The following NCAM1 variants were observed in gnomAD, a reference collection of about 807,000 sequenced individuals.
The protein encoded by NCAM1 is antigen recognized by monoclonal antibody 5.1H11.
A neutral mutation model predicts 109.8 loss-of-function variants in NCAM1; 14 were observed. The ratio of observed to expected loss-of-function variants is 0.13; its 90% CI spans 0.08 to 0.20. NCAM1 has a LOEUF of 0.20. NCAM1 is among the 10% of genes least tolerant of loss of function. The probability of loss-of-function intolerance (pLI) is 1.00; values close to 1 mark genes in which losing one functional copy is unlikely to be tolerated. For missense variants in NCAM1, 774 were observed against 1,109.9 expected, an observed-to-expected ratio of 0.70 and a Z score of 4.30; for synonymous variants, 418 against 442.9, an observed-to-expected ratio of 0.94 and a Z score of 0.70.
intron 17 of NCAM1, chr11:113,269,396 C>A (rs1290960791): frequency 6.6e-6 from 1 of 152,432 alleles, no homozygotes; most frequent in Non-Finnish European, 1.5e-5. Flanking sequence ...ATTTATCCTG[C>A]GTGTGAGTGT....
chr11:113,214,138 G>T (rs1944461622), intron 7 of NCAM1, among the ~76,000 whole-genome samples: 1 of 152,158 alleles, frequency 6.6e-6, no homozygotes, highest in Admixed American at 6.5e-5. Flanking sequence ...TGCATTCCTT[G>T]CCCTTATCAC....
intron 1 of NCAM1, among the ~76,000 whole-genome samples, chr11:113,118,838 A>C (rs1006808496): frequency 6.6e-6 from 1 of 152,096 alleles, no homozygotes; most frequent in African/African-American, 2.4e-5. Context: ...AAACACAAGG[A>C]AAGAAAAGAC....
chr11:112,969,915 G>A (rs1950830503), intron 1 of NCAM1, among the ~76,000 whole-genome samples: 1 of 152,110 alleles, frequency 6.6e-6, no homozygotes, highest in African/African-American at 2.4e-5. Context: ...AATGAAGCAG[G>A]CAGGTAAAAA....
In NCAM1 at chr11:113,023,843, C is replaced by G. The variant is rs1419798756; in HGVS notation, c.52+62179C>G. ...GAAAAGGACTCTAGCATTCAATAAA[C>G]AGTACATTTCTCCCTCATTGGGGGT... On this transcript the variant is annotated intron_variant, in intron 1 of 19. Transcript: ENST00000316851. Among the ~76,000 whole-genome samples, 3 of 151,826 alleles carry G rather than the reference C, an allele frequency of 2.0e-5. No homozygotes were observed. The East Asian group carries it at 5.8e-4, about 29-fold the overall frequency.
chr11:113,223,882 G>A (rs11606354), intron 9 of NCAM1, among the ~76,000 whole-genome samples: 7,448 of 152,260 alleles, frequency 0.049, 297 homozygotes, highest in South Asian at 0.16. Flanking sequence ...CCATGCTCTT[G>A]AGGCCACTAG....
chr11:113,173,740 C>A (rs1671239038), intron 1 of NCAM1, among the ~76,000 whole-genome samples: 1 of 151,408 alleles, frequency 6.6e-6, no homozygotes, highest in Non-Finnish European at 1.5e-5. Flanking sequence ...GCTTAACCTG[C>A]AGAGCTTCAA....
chr11:112,964,576 T>C (rs1399666201), intron 1 of NCAM1, among the ~76,000 whole-genome samples: 2 of 152,208 alleles, frequency 1.3e-5, no homozygotes, highest in Non-Finnish European at 2.9e-5. Context: ...AAGTAGTATA[T>C]ATAATATCTC....
At chr11:113,048,560 C>G (rs532911579) in intron 1 of NCAM1, among the ~76,000 whole-genome samples, 1 of 152,186 alleles carries the variant, frequency 6.6e-6, no homozygotes, top group Non-Finnish European at 1.5e-5. Flanking sequence ...ATCCATCTTG[C>G]GAGGCCTACA....
intron 1 of NCAM1, among the ~76,000 whole-genome samples, chr11:113,019,792 C>T (rs1045933979): frequency 2.0e-5 from 3 of 152,180 alleles, no homozygotes; most frequent in Admixed American, 1.3e-4. Context: ...ACTTTCCCTT[C>T]GCTTCCCTCC....
intron 1 of NCAM1, among the ~76,000 whole-genome samples, chr11:113,157,572 C>G (rs926130666): frequency 1.8e-4 from 28 of 152,110 alleles, no homozygotes; most frequent in African/African-American, 6.5e-4. Flanking sequence ...GTTCAGGCTT[C>G]TCTATACTCC....
intron 1 of NCAM1, among the ~76,000 whole-genome samples, chr11:113,117,979 AGT>A (rs2136006005): frequency 6.6e-6 from 1 of 152,106 alleles, no homozygotes; most frequent in South Asian, 2.1e-4. Context: ...CTGAGAGTGA[AGT>A]GATTAATAGC....
chr11:113,271,921 C>T (rs2137785421), intron 19 of NCAM1, 45 bp downstream of exon 19: 6 of 1,431,572 alleles, frequency 4.2e-6, no homozygotes, highest in Non-Finnish European at 5.7e-6. Context: ...TAGAGACCCC[C>T]ACACCCACCT....
intron 1 of NCAM1, among the ~76,000 whole-genome samples, chr11:113,068,440 A>G (rs567145792): frequency 1.9e-3 from 293 of 152,366 alleles, no homozygotes; most frequent in South Asian, 9.3e-3. Flanking sequence ...CACTTGGCAC[A>G]GTGCATGGCA....
In NCAM1 at chr11:112,963,691, C is replaced by T. The variant is rs1159329598; in HGVS notation, c.52+2027C>T. Reference sequence around the variant, plus strand: ...GGTGTTTTTGAGACATCCTCGCCCCCGGGTGGGAGCGTGACAATGGAGCCC... The same window carrying T: ...GGTGTTTTTGAGACATCCTCGCCCCTGGGTGGGAGCGTGACAATGGAGCCC... On this transcript the variant is annotated intron_variant, in intron 1 of 19. Transcript: ENST00000316851. This position sits in a 1 kb window ranked among gnomAD's most constrained non-coding sequence, Gnocchi z 4.6. 6.6e-6 allele frequency among the ~76,000 whole-genome samples: 1 copy of T among 152,208 alleles called. No homozygotes were observed. The highest frequency in any genetic ancestry group is 1.5e-5 in the Non-Finnish European group (1 of 68,028).
At chr11:112,967,755 TA>T (rs1555065861) in intron 1 of NCAM1, among the ~76,000 whole-genome samples, 1 of 152,148 alleles carries the variant, frequency 6.6e-6, no homozygotes, top group Non-Finnish European at 1.5e-5. Context: ...GAACTAGGCT[TA>T]AAAAATTGGT....
intron 1 of NCAM1, among the ~76,000 whole-genome samples, chr11:113,152,263 G>A (rs1421572151): frequency 6.6e-6 from 1 of 152,190 alleles, no homozygotes. Context: ...ACAAAACCCA[G>A]GTGTAAAGGC....
chr11:113,186,886 C>A (rs545715518), intron 1 of NCAM1, among the ~76,000 whole-genome samples: 1 of 152,358 alleles, frequency 6.6e-6, no homozygotes, highest in East Asian at 1.9e-4. Flanking sequence ...TGAGAAGCAA[C>A]AGAATTAGCA....
intron 9 of NCAM1, among the ~76,000 whole-genome samples, chr11:113,229,861 C>G (rs1265506905): frequency 1.3e-5 from 2 of 152,034 alleles, no homozygotes; most frequent in African/African-American, 4.8e-5. Flanking sequence ...CATGTTCTCA[C>G]TCATAGGTGG....
chr11:113,102,101 A>G (rs1310309343), intron 1 of NCAM1, among the ~76,000 whole-genome samples: 1 of 152,246 alleles, frequency 6.6e-6, no homozygotes, highest in Non-Finnish European at 1.5e-5. Context: ...TGTTCAGAAG[A>G]TTGTAATAAA....
Sources: gnomAD v4.1 joint callset for allele counts (sites outside exome capture counted in the v4.1 genomes callset) on GRCh38, gnomAD v4.1.1 for gene constraint, Gnocchi (gnomAD v3.1) non-coding constraint, MANE v1.5 for transcripts, NCBI Gene and HGNC (gene_info 2026-07-23, HGNC 2026-07-21) for gene names.